FNBP1: variants seen among roughly 807,000 people sequenced by gnomAD.
FNBP1 encodes the protein formin-binding protein 1.
FNBP1 carries 26 observed loss-of-function variants against 90.6 expected under a neutral mutation model. The observed-to-expected ratio is 0.29, with a 90% CI of 0.21 to 0.40. The LOEUF is 0.40. Among genes scored for constraint, FNBP1 ranks in the 10% least tolerant of loss-of-function variants. The probability of loss-of-function intolerance (pLI) is 1.00; values close to 1 mark genes in which losing one functional copy is unlikely to be tolerated. For missense variants in FNBP1, 635 were observed against 768.0 expected (o/e 0.83, Z 2.05); for synonymous variants, 260 against 265.2 (o/e 0.98, Z 0.19).
intron 16 of FNBP1, among the ~76,000 whole-genome samples, chr9:129,893,632 A>AAAAAAAAAAAAAAAAAAAAAAC (rs2035341033): frequency 7.2e-6 from 1 of 138,312 alleles, no homozygotes; most frequent in Non-Finnish European, 1.6e-5. Context: ...AAAAAAAAAA[A>AAAAAAAAAAAAAAAAAAAAAAC]AAAAAGCCAG....
chr9:129,934,187 A>G (rs1419657895), intron 6 of FNBP1, among the ~76,000 whole-genome samples: 2 of 152,230 alleles, frequency 1.3e-5, no homozygotes, highest in East Asian at 3.8e-4. Context: ...AATAGCAACT[A>G]TTACCTCAAA....
intron 1 of FNBP1, among the ~76,000 whole-genome samples, chr9:130,034,212 T>C (rs936863802): frequency 2.0e-5 from 3 of 150,664 alleles, no homozygotes; most frequent in Non-Finnish European, 3.0e-5. Flanking sequence ...ACTCGGGAGG[T>C]TGAAGCAGGA....
At position 129,957,114 on chromosome 9, in the gene FNBP1, T is replaced by C. The variant is rs1232369239; in HGVS notation, c.513+246A>G. Among the ~76,000 whole-genome samples the C allele has an allele frequency of 6.6e-6, 1 of 150,922 alleles. No homozygotes were observed. Among genetic ancestry groups the C allele is most frequent in the Non-Finnish European group, 1.5e-5 (1 of 67,858 alleles). On this transcript the variant is annotated intron_variant, in intron 6 of 16. Transcript: ENST00000446176. This position sits in a 1 kb window ranked among gnomAD's most constrained non-coding sequence, Gnocchi z 4.3. ...GTGCAGTGGCGTGATCTTGGCTCAC[T>C]GCAGCCAACGCCTCCTGGGCTCAAG...
At position 130,000,622 on chromosome 9, in the gene FNBP1, T is replaced by C. The variant is rs543092387; in HGVS notation, c.25-5664A>G. 8.3e-4 allele frequency among the ~76,000 whole-genome samples: 126 copies of C among 152,338 alleles called. 1 individual carries two copies. Among genetic ancestry groups the C allele is most frequent in the South Asian group, 3.5e-3 (17 of 4,826 alleles). On this transcript the variant is annotated intron_variant, in intron 1 of 16. Transcript: ENST00000446176. ...TCACATTTGTTTATATCAGTACCAA[T>C]CTCATCTTTTCTGATGAGTCTTTAA... is the stretch of plus-strand genomic sequence containing the variant.
chr9:129,977,142 G>A (rs1370317919), intron 4 of FNBP1, among the ~76,000 whole-genome samples: 2 of 151,628 alleles, frequency 1.3e-5, no homozygotes, highest in African/African-American at 4.8e-5. Context: ...CTGGACCAAA[G>A]GGTGAAACTC....
chr9:130,043,241 G>C (rs1374708975), upstream of FNBP1: 3 of 309,714 alleles, frequency 9.7e-6, no homozygotes, highest in Non-Finnish European at 1.8e-5. Flanking sequence ...GGAGGGGCGG[G>C]AGGGGAGGGG....
At chr9:129,907,848 C>A (rs1337501831) in intron 12 of FNBP1, among the ~76,000 whole-genome samples, 1 of 152,084 alleles carries the variant, frequency 6.6e-6, no homozygotes, top group Non-Finnish European at 1.5e-5. Flanking sequence ...CCTGTCTCAG[C>A]CTCCCAAGTA....
intron 1 of FNBP1, among the ~76,000 whole-genome samples, chr9:130,035,566 T>A (rs867686284): frequency 3.3e-5 from 5 of 152,180 alleles, no homozygotes; most frequent in Non-Finnish European, 4.4e-5. Flanking sequence ...ATAAACAAGA[T>A]GATGGATGTA....
intron 10 of FNBP1, among the ~76,000 whole-genome samples, chr9:129,917,087 A>G (rs533572703): frequency 1.3e-5 from 2 of 151,852 alleles, no homozygotes; most frequent in Admixed American, 1.3e-4. Flanking sequence ...ATCTCGGCTC[A>G]CTGCCACCTC....
intron 6 of FNBP1, among the ~76,000 whole-genome samples, chr9:129,950,112 TA>T (rs151094588): frequency 0.013 from 1,917 of 152,338 alleles, 18 homozygotes; most frequent in Middle Eastern, 0.024. Context: ...TAAATAATGA[TA>T]AGAACTAAAA....
Position 129,900,694 on chromosome 9 carries a change from A to C in FNBP1, c.1429-147T>G. On this transcript the variant is annotated intron_variant, in intron 13 of 16. Transcript: ENST00000446176. The surrounding 1 kb of genome is among the most constrained non-coding windows in gnomAD (Gnocchi z 4.1). ...GGGCTACTCTTGGCCATTTAACCCA[A>C]TGTGAGGAAGTCCACGTGGGGGCAG... The C allele has an allele frequency of 1.2e-6, 1 of 832,372 alleles. No individual in the cohort carries two copies. The highest frequency in any genetic ancestry group is 1.6e-6 in the Non-Finnish European group (1 of 610,556). 51.6% of individuals were successfully genotyped at this position (832,372 alleles called of 1,614,324 possible). A position where few individuals can be genotyped will look rare whatever the true frequency, so the allele number is the denominator to read the frequency against.
chr9:129,952,900 C>T (rs1040465500), intron 6 of FNBP1, among the ~76,000 whole-genome samples: 1 of 152,142 alleles, frequency 6.6e-6, no homozygotes, highest in African/African-American at 2.4e-5. Flanking sequence ...ATATTCGCAT[C>T]AATCCTGTTC....
At chr9:130,053,850 G>A in the FNBP1 span, 8 of 1,356,668 alleles carry the variant, frequency 5.9e-6, no homozygotes, top group Non-Finnish European at 8.1e-6. Context: ...GCCGAGCCCC[G>A]CTCCCCGGGC....
At chr9:129,907,050 T>C (rs2038213033) in intron 12 of FNBP1, among the ~76,000 whole-genome samples, 1 of 151,994 alleles carries the variant, frequency 6.6e-6, no homozygotes, top group African/African-American at 2.4e-5. Flanking sequence ...AGTGCTGGGA[T>C]TACAGGCGTG....
intron 11 of FNBP1, among the ~76,000 whole-genome samples, chr9:129,912,056 T>A (rs1459675129): frequency 6.6e-6 from 1 of 151,968 alleles, no homozygotes; most frequent in Non-Finnish European, 1.5e-5. Context: ...TTGAAGCTAG[T>A]CCATCAGAAG....
At chr9:130,025,674 A>G (rs2058273284) in intron 1 of FNBP1, among the ~76,000 whole-genome samples, 1 of 152,258 alleles carries the variant, frequency 6.6e-6, no homozygotes, top group Non-Finnish European at 1.5e-5. Context: ...CTATAATCCC[A>G]GCACTTTGGG....
At position 129,939,580 on chromosome 9, in the gene FNBP1, C is replaced by A. The variant is rs75231876; in HGVS notation, c.514-9885G>T. ...CCAGGAAGCTTATGTAGGTCTCAAG[C>A]TGTGGAGTGGGGGAAGAGTGTCTTC... On this transcript the variant is annotated intron_variant, in intron 6 of 16. Transcript: ENST00000446176. 5.8e-4 allele frequency among the ~76,000 whole-genome samples: 89 copies of A among 152,226 alleles called. No individual in the cohort carries two copies. The East Asian group carries it at 0.017, about 29-fold the overall frequency.
intron 1 of FNBP1, among the ~76,000 whole-genome samples, chr9:130,025,207 T>G (rs1344287838): frequency 2.0e-5 from 3 of 151,996 alleles, no homozygotes; most frequent in African/African-American, 4.8e-5. Context: ...CTGACATTTT[T>G]GCCTATGGAG....
intron 1 of FNBP1, among the ~76,000 whole-genome samples, chr9:130,020,396 G>A (rs557659261): frequency 1.3e-5 from 2 of 152,230 alleles, no homozygotes; most frequent in South Asian, 2.1e-4. Context: ...TTTTAGTAGA[G>A]ACAGGGTTTC....
Sources: gnomAD v4.1 joint callset for allele counts (sites outside exome capture counted in the v4.1 genomes callset) on GRCh38, gnomAD v4.1.1 for gene constraint, Gnocchi (gnomAD v3.1) non-coding constraint, MANE v1.5 for transcripts, NCBI Gene and HGNC (gene_info 2026-07-23, HGNC 2026-07-21) for gene names.